Variants in TTC34 observed in about 807,000 individuals in gnomAD.
TTC34 encodes tetratricopeptide repeat protein 34.
A neutral mutation model predicts 40.7 loss-of-function variants in TTC34; 44 were observed. That is an observed-to-expected ratio of 1.08 (90% CI 0.85 to 1.39). The LOEUF (loss-of-function observed/expected upper bound fraction) is 1.39. TTC34 is among the 40% of genes most tolerant of loss of function. TTC34 has a pLI of 0.00. For synonymous variants in TTC34, 422 were observed against 398.6 expected (o/e 1.06, Z -0.70); for missense variants, 884 against 838.0 (o/e 1.05, Z -0.68).
intron 1 of TTC34, 36 bp from the exon 2 acceptor site, chr1:2,800,904 C>T (rs1183704663): frequency 5.0e-6 from 2 of 398,738 alleles, no homozygotes; most frequent in Admixed American, 4.4e-5. Flanking sequence ...CCACAGAGGG[C>T]GGCCAGTTCT....
chr1:2,645,551 C>A lies in TTC34; in HGVS notation c.2239G>T (p.Asp747Tyr), dbSNP rs914191836. Residue 747 changes from aspartate to tyrosine, a missense_variant, in exon 7 of 9, where the codon GAC (aspartate) becomes TAC (tyrosine). By Grantham distance (160) the Asp-to-Tyr change is radical. Transcript: ENST00000401095. This position sits in a 1 kb window ranked among gnomAD's most constrained non-coding sequence, Gnocchi z 4.7. ...CCGAGCTTCAGAGCAGAGACGATGT[C>A]GTCCACGGCTTCCTGCAAGGAGGGA... 2 of 1,151,918 alleles carry A rather than the reference C, an allele frequency of 1.7e-6. No homozygotes were observed. Among genetic ancestry groups the A allele is most frequent in the African/African-American group, 3.5e-5 (2 of 56,710 alleles). The allele number at this position is 1,151,918 out of a possible 1,614,324, so 71.4% of individuals were successfully genotyped here.
intron 6 of TTC34, among the ~76,000 whole-genome samples, chr1:2,651,129 C>T (rs1180346092): frequency 6.6e-6 from 1 of 150,812 alleles, no homozygotes; most frequent in Non-Finnish European, 1.5e-5. Flanking sequence ...AGCAACTTTG[C>T]AGCCTGGGAC....
rs1643093919 is a variant in TTC34, at chr1:2,775,785, T to A, written c.2226+7824A>T. On this transcript the variant is annotated intron_variant, in intron 6 of 8. Transcript: ENST00000401095. The stretch of plus-strand genomic sequence containing the variant: ...AGAATCTGAAAGCCTGGATCAACAC[T>A]CGAATCTTCAGGTGAGCATCTGACA... Among the ~76,000 whole-genome samples, 2 of 142,068 alleles carry A rather than the reference T, an allele frequency of 1.4e-5. 1 individual carries two copies. Among genetic ancestry groups the A allele is most frequent in the African/African-American group, 5.8e-5 (2 of 34,678 alleles). The allele number at this position is 142,068 out of a possible 152,430, so 93.2% of individuals were successfully genotyped here.
At chr1:2,642,849 G>C (rs1178935415) in intron 8 of TTC34, among the ~76,000 whole-genome samples, 1 of 152,190 alleles carries the variant, frequency 6.6e-6, no homozygotes, top group Non-Finnish European at 1.5e-5. Flanking sequence ...GGGTCCCACG[G>C]CCCCGGCTTT....
chr1:2,690,994 T>A lies in TTC34; in HGVS notation c.2227-45431A>T, dbSNP rs1054388920. Among the ~76,000 whole-genome samples, 2 of 77,600 alleles carry A rather than the reference T, an allele frequency of 2.6e-5. 1 individual carries two copies. Among genetic ancestry groups the A allele is most frequent in the South Asian group, 7.6e-4 (2 of 2,636 alleles). The allele number at this position is 77,600 out of a possible 152,430, so 50.9% of individuals were successfully genotyped here. A position where few individuals can be genotyped will look rare whatever the true frequency, so the allele number is the denominator to read the frequency against. ...CAGCACCCACACCCCTAGGAGAGCATCCGGCAGCCTGGAGCGGAACCCACA... is the reference window on the plus strand; with the variant it reads ...CAGCACCCACACCCCTAGGAGAGCAACCGGCAGCCTGGAGCGGAACCCACA... On this transcript the variant is annotated intron_variant, in intron 6 of 8. Transcript: ENST00000401095.
intron 6 of TTC34, among the ~76,000 whole-genome samples, chr1:2,652,245 C>A (rs796867225): frequency 1.6e-3 from 26 of 16,390 alleles, no homozygotes; most frequent in South Asian, 8.3e-3. Context: ...AGCACCCACA[C>A]CCCCAGGTGA....
Position 2,645,195 on chromosome 1 carries a change from G to A in TTC34, c.2497+98C>T. 7.5e-7 allele frequency: 1 copy of A among 1,327,188 alleles called. No individual in the cohort carries two copies. The highest frequency in any genetic ancestry group is 9.7e-7 in the Non-Finnish European group (1 of 1,027,376). 82.2% of individuals were successfully genotyped at this position (1,327,188 alleles called of 1,614,324 possible). ...GACCTTGGAAGCTGTTGTGGTCCGG[G>A]TCTCTTTCTTCCATTTTTACAGAAC... On this transcript the variant is annotated intron_variant, in intron 7 of 8. Transcript: ENST00000401095. This position sits in a 1 kb window ranked among gnomAD's most constrained non-coding sequence, Gnocchi z 4.7.
rs61766525 is a variant in TTC34 at position 2,800,768 on chromosome 1, C to T, written c.60G>A (p.Ala20=). The T allele has an allele frequency of 1.4e-3, 563 of 399,108 alleles. 1 individual carries two copies. Among genetic ancestry groups the T allele is most frequent in the Non-Finnish European group, 2.1e-3 (472 of 226,492 alleles). 24.7% of individuals were successfully genotyped at this position (399,108 alleles called of 1,614,324 possible). A position where few individuals can be genotyped will look rare whatever the true frequency, so the allele number is the denominator to read the frequency against. The change falls in exon 2 of 9, where the codon GCG becomes GCA. Residue 20 remains alanine (A), a synonymous_variant. Coordinates refer to ENST00000401095, the Ensembl canonical transcript of TTC34. ...CGGTGGCCAGGGGCAGCTCCCCCAG[C>T]GCCAGATGCTGCTCCCCCTCCCGGC... is the stretch of plus-strand genomic sequence containing the variant.
rs1183009375 is a variant in TTC34 at position 2,686,521 on chromosome 1, C to A, written c.2227-40958G>T. On this transcript the variant is annotated intron_variant, in intron 6 of 8. Transcript: ENST00000401095. Reference sequence around the variant, plus strand: ...TGACAGCCTCGAACAGCACCCTGCACCCCCAGGGGAGCATCTGACAGCCTG... The same window carrying A: ...TGACAGCCTCGAACAGCACCCTGCAACCCCAGGGGAGCATCTGACAGCCTG... 6.0e-5 allele frequency among the ~76,000 whole-genome samples: 7 copies of A among 116,522 alleles called. 1 individual carries two copies. Among genetic ancestry groups the A allele is most frequent in the African/African-American group, 2.0e-4 (5 of 25,124 alleles). 76.4% of individuals were successfully genotyped at this position (116,522 alleles called of 152,430 possible).
At chr1:2,786,974 G>C (rs1470158992) in intron 4 of TTC34, among the ~76,000 whole-genome samples, 2 of 152,182 alleles carry the variant, frequency 1.3e-5, no homozygotes, top group African/African-American at 2.4e-5. Flanking sequence ...AATCCCACCA[G>C]AGTGTAACCT....
intron 6 of TTC34, among the ~76,000 whole-genome samples, chr1:2,759,443 G>A (rs1641618084): frequency 8.1e-6 from 1 of 123,134 alleles, no homozygotes; most frequent in Non-Finnish European, 1.7e-5. Flanking sequence ...CACACTCCCA[G>A]GCGAGCATCT....
chr1:2,675,059 G>A (rs1246171721), intron 6 of TTC34, among the ~76,000 whole-genome samples: 1 of 114,788 alleles, frequency 8.7e-6, no homozygotes, highest in Non-Finnish European at 1.9e-5. Context: ...GAGCATCGGA[G>A]AGTCAGGAGC....
At chr1:2,789,811 C>G (rs754837992) in exon 3 of TTC34, 27 of 459,124 alleles carry the variant, frequency 5.9e-5, no homozygotes, top group Non-Finnish European at 9.4e-5. Flanking sequence ...GCTCCACTAC[C>G]GTCTGGAAGT....
chr1:2,752,464 A>C (rs1641354445), intron 6 of TTC34, among the ~76,000 whole-genome samples: 1 of 147,180 alleles, frequency 6.8e-6, no homozygotes, highest in South Asian at 2.2e-4. Context: ...CCAGGTGCGC[A>C]CGTGACAGCC....
chr1:2,651,868 AAAC>A (rs1381765485), intron 6 of TTC34, among the ~76,000 whole-genome samples: 3 of 151,930 alleles, frequency 2.0e-5, no homozygotes, highest in South Asian at 2.1e-4. Context: ...TGATGGACTC[AAAC>A]AACAACTCAC....
chr1:2,691,298 A>G, intron 6 of TTC34, among the ~76,000 whole-genome samples: 1 of 87,352 alleles, frequency 1.1e-5, no homozygotes, highest in Non-Finnish European at 2.6e-5. Flanking sequence ...AGCAGCACCC[A>G]CAACCCCAGG....
chr1:2,786,983 C>G (rs1471675805), intron 4 of TTC34, among the ~76,000 whole-genome samples: 2 of 152,168 alleles, frequency 1.3e-5, no homozygotes, highest in Non-Finnish European at 2.9e-5. Context: ...AGAGTGTAAC[C>G]TTTAGACCCC....
At chr1:2,782,053 A>AT (rs1557686872) in intron 6 of TTC34, among the ~76,000 whole-genome samples, 2 of 152,072 alleles carry the variant, frequency 1.3e-5, no homozygotes, top group African/African-American at 4.8e-5. Context: ...TTCCTCTTTG[A>AT]TTTTTTGGAA....
chr1:2,800,806 C>G (rs1003850571), exon 2 of TTC34: 2 of 398,620 alleles, frequency 5.0e-6, no homozygotes, highest in Non-Finnish European at 8.8e-6. Context: ...AGGCAGGCCA[C>G]GAGCTCCTGG....
Sources: gnomAD v4.1 joint callset for allele counts (sites outside exome capture counted in the v4.1 genomes callset) on GRCh38, gnomAD v4.1.1 for gene constraint, Gnocchi (gnomAD v3.1) non-coding constraint, MANE v1.5 for transcripts, NCBI Gene and HGNC (gene_info 2026-07-23, HGNC 2026-07-21) for gene names.